HOOK3: variants seen among roughly 807,000 people sequenced by gnomAD.
HOOK3 encodes hook microtubule tethering protein 3.
A neutral mutation model predicts 116.3 loss-of-function variants in HOOK3; 24 were observed. That is an observed-to-expected ratio of 0.21 (90% confidence interval 0.15 to 0.29). The LOEUF is 0.29. Ranked by LOEUF, HOOK3 falls within the 10% of genes least tolerant of loss-of-function variation. The probability of loss-of-function intolerance (pLI) is 1.00; values close to 1 mark genes in which losing one functional copy is unlikely to be tolerated. For synonymous variants in HOOK3, 275 were observed against 283.0 expected (o/e 0.97, Z 0.28); for missense variants, 632 against 830.2 (o/e 0.76, Z 2.93).
At chr8:43,013,281 GTTATT>G (rs1338981165) in intron 20 of HOOK3, 43 bp from the exon 21 acceptor site, 4 of 1,440,596 alleles carry the variant, frequency 2.8e-6, no homozygotes, top group Non-Finnish European at 3.8e-6. Context: ...TTTATATTGA[GTTATT>G]TTATATCTTT....
intron 16 of HOOK3, among the ~76,000 whole-genome samples, chr8:42,999,830 A>C (rs1471751280): frequency 6.6e-6 from 1 of 152,192 alleles, no homozygotes; most frequent in Non-Finnish European, 1.5e-5. Flanking sequence ...TAGAAAAAAG[A>C]AAAATGTACA....
At chr8:42,897,330 C>T (rs902610034) in intron 1 of HOOK3, 142 bp downstream of exon 1, 29 of 473,090 alleles carry the variant, frequency 6.1e-5, no homozygotes, top group Middle Eastern at 5.7e-4. Flanking sequence ...CGAGGAGGCT[C>T]GGCCCAGGGT....
intron 13 of HOOK3, among the ~76,000 whole-genome samples, chr8:42,980,056 C>T (rs1808909641): frequency 6.6e-6 from 1 of 151,554 alleles, no homozygotes; most frequent in Admixed American, 6.6e-5. Flanking sequence ...CTCCACCTCC[C>T]AGGTTCAAGT....
chr8:42,984,938 T>A (rs1333258943), intron 14 of HOOK3, among the ~76,000 whole-genome samples: 1 of 152,190 alleles, frequency 6.6e-6, no homozygotes, highest in Non-Finnish European at 1.5e-5. Context: ...TCAGCAAATA[T>A]GGCTTTTCTG....
Position 43,030,485 on chromosome 8 carries a change from C to A in HOOK3, c.*11987C>A, listed in dbSNP as rs1586642184. 1 of 175,496 alleles carries A rather than the reference C, an allele frequency of 5.7e-6. No homozygotes were observed. Among genetic ancestry groups the A allele is most frequent in the Non-Finnish European group, 1.2e-5 (1 of 81,414 alleles). 10.9% of individuals were successfully genotyped at this position (175,496 alleles called of 1,614,324 possible). Reference sequence around the variant, plus strand: ...AAGTACAAAAATGTTTTCAAGGCTGCAAAAAGTGTACAGTTGTTAAACAAG... The same window carrying A: ...AAGTACAAAAATGTTTTCAAGGCTGAAAAAAGTGTACAGTTGTTAAACAAG... On this transcript the variant is annotated 3_prime_UTR_variant, in exon 22 of 22. Transcript: ENST00000307602.
At chr8:43,010,866 C>A (rs57354259) in intron 19 of HOOK3, among the ~76,000 whole-genome samples, 3,597 of 152,214 alleles carry the variant, frequency 0.024, 149 homozygotes, top group African/African-American at 0.082. Flanking sequence ...AAGTCACTGT[C>A]ATGAAAACAA....
At chr8:42,992,856 C>T (rs953593361) in intron 15 of HOOK3, among the ~76,000 whole-genome samples, 16 of 152,054 alleles carry the variant, frequency 1.1e-4, no homozygotes, top group Admixed American at 1.3e-4. Flanking sequence ...TGTTGAATAA[C>T]AGGGTGAAAG....
chr8:42,939,121 T>A (rs1808037535), intron 4 of HOOK3, among the ~76,000 whole-genome samples: 1 of 152,242 alleles, frequency 6.6e-6, no homozygotes, highest in African/African-American at 2.4e-5. Context: ...TACCTCTTTC[T>A]ACACAGACAA....
intron 14 of HOOK3, among the ~76,000 whole-genome samples, chr8:42,984,734 A>G (rs1318407540): frequency 6.6e-6 from 1 of 152,096 alleles, no homozygotes; most frequent in African/African-American, 2.4e-5. Flanking sequence ...AAACCCTGTC[A>G]CTGCTAAAAA....
At chr8:42,969,115 T>A (rs1047339721) in intron 11 of HOOK3, among the ~76,000 whole-genome samples, 3 of 152,106 alleles carry the variant, frequency 2.0e-5, no homozygotes, top group African/African-American at 7.2e-5. Context: ...ATGTTTCAGC[T>A]TTTTTTTCTA....
At chr8:42,956,001 G>A (rs1163258034) in intron 6 of HOOK3, among the ~76,000 whole-genome samples, 2 of 152,062 alleles carry the variant, frequency 1.3e-5, no homozygotes, top group African/African-American at 4.8e-5. Context: ...CCGAGTAGCT[G>A]GAACTAAAGG....
chr8:42,983,869 A>C (rs1475002511), intron 14 of HOOK3, among the ~76,000 whole-genome samples: 1 of 152,172 alleles, frequency 6.6e-6, no homozygotes, highest in African/African-American at 2.4e-5. Context: ...GAGACTGATT[A>C]ATTCTGAATA....
At chr8:42,927,429 G>A (rs918882208) in intron 3 of HOOK3, among the ~76,000 whole-genome samples, 1 of 151,696 alleles carries the variant, frequency 6.6e-6, no homozygotes, top group African/African-American at 2.4e-5. Context: ...GCTAATTTTT[G>A]TATTTTTCAG....
intron 4 of HOOK3, 76 bp downstream of exon 4, chr8:42,930,248 G>C (rs975964957): frequency 8.7e-6 from 11 of 1,261,260 alleles, no homozygotes; most frequent in Middle Eastern, 4.9e-4. Context: ...TCAAGTTAAG[G>C]AAAAATTGCT....
intron 8 of HOOK3, among the ~76,000 whole-genome samples, chr8:42,963,613 G>A (rs1808576746): frequency 6.6e-6 from 1 of 152,154 alleles, no homozygotes; most frequent in Non-Finnish European, 1.5e-5. Flanking sequence ...CAAAATGTTT[G>A]AAACATTTTA....
At chr8:42,960,273 A>C (rs1808512525) in intron 8 of HOOK3, among the ~76,000 whole-genome samples, 1 of 152,226 alleles carries the variant, frequency 6.6e-6, no homozygotes, top group Non-Finnish European at 1.5e-5. Context: ...TTCAGGCTTC[A>C]ATGACAGAGT....
intron 2 of HOOK3, among the ~76,000 whole-genome samples, chr8:42,908,175 G>A (rs1370608879): frequency 1.3e-5 from 2 of 152,166 alleles, no homozygotes; most frequent in African/African-American, 4.8e-5. Context: ...GTTGAAGTCT[G>A]CAATAAAGGA....
intron 4 of HOOK3, among the ~76,000 whole-genome samples, chr8:42,932,354 A>G (rs1246270799): frequency 6.6e-6 from 1 of 152,162 alleles, no homozygotes; most frequent in African/African-American, 2.4e-5. Context: ...CATAAAAAAA[A>G]AGTAGTTTTT....
chr8:42,933,644 C>T (rs1807912145), intron 4 of HOOK3, among the ~76,000 whole-genome samples: 1 of 152,100 alleles, frequency 6.6e-6, no homozygotes, highest in Admixed American at 6.5e-5. Flanking sequence ...TTGGTAGAGC[C>T]CATTTTCTAG....
Sources: gnomAD v4.1 joint callset for allele counts (sites outside exome capture counted in the v4.1 genomes callset) on GRCh38, gnomAD v4.1.1 for gene constraint, MANE v1.5 for transcripts, NCBI Gene and HGNC (gene_info 2026-07-23, HGNC 2026-07-21) for gene names.